KIAA1217: variants seen among roughly 807,000 people sequenced by gnomAD.
The protein encoded by KIAA1217 is KIAA1217.
In KIAA1217, 88 loss-of-function variants were observed where a neutral mutation model predicts 163.9. That is an observed-to-expected ratio of 0.54 (90% confidence interval 0.45 to 0.64). The LOEUF is 0.64. Ranked by LOEUF, KIAA1217 falls within the 30% of genes least tolerant of loss-of-function variation. The probability of loss-of-function intolerance (pLI) is 0.00; values close to 1 mark genes in which losing one functional copy is unlikely to be tolerated. For synonymous variants in KIAA1217, 903 were observed against 923.1 expected, an observed-to-expected ratio of 0.98 and a Z score of 0.39; for missense variants, 2,372 against 2,475.0, an observed-to-expected ratio of 0.96 and a Z score of 0.88.
chr10:23,827,627 A>G (rs564296055), intron 1 of KIAA1217, among the ~76,000 whole-genome samples: 3 of 152,304 alleles, frequency 2.0e-5, no homozygotes, highest in Admixed American at 2.0e-4. Flanking sequence ...TGTTTCTCAC[A>G]TTGCATCTTC....
rs12251528 is a variant in KIAA1217 at position 23,774,628 on chromosome 10, A to C, written c.-321+79394A>C. Reference sequence around the variant, plus strand: ...ATTGGGCCAAGGGGTGGCTGTTCACAGGGAGGTGCAGTTCAGCTCTAACAT... The same window carrying C: ...ATTGGGCCAAGGGGTGGCTGTTCACCGGGAGGTGCAGTTCAGCTCTAACAT... On this transcript the variant is annotated intron_variant, in intron 1 of 18. Coordinates refer to the KIAA1217 transcript ENST00000376462. Among the ~76,000 whole-genome samples, 1,335 of 152,210 alleles carry C rather than the reference A, an allele frequency of 8.8e-3. 33 individuals are homozygous for C. Among genetic ancestry groups the C allele is most frequent in the East Asian group, 0.027 (138 of 5,154 alleles).
At chr10:23,812,981 A>C (rs188880992) in intron 1 of KIAA1217, among the ~76,000 whole-genome samples, 1 of 136,384 alleles carries the variant, frequency 7.3e-6, no homozygotes, top group African/African-American at 3.1e-5. Flanking sequence ...TGCTGGGTCT[A>C]TGGTAACTAT....
intron 2 of KIAA1217, among the ~76,000 whole-genome samples, chr10:24,056,162 A>C (rs748983671): frequency 2.0e-5 from 3 of 152,080 alleles, no homozygotes; most frequent in Non-Finnish European, 4.4e-5. Flanking sequence ...ACAATAAGGA[A>C]ATCTTGAGTC....
chr10:24,223,217 C>T (rs1046415266), intron 2 of KIAA1217, among the ~76,000 whole-genome samples: 1 of 152,148 alleles, frequency 6.6e-6, no homozygotes, highest in African/African-American at 2.4e-5. Context: ...CTCATTTTAC[C>T]TAGCTCCTAT....
At chr10:23,788,971 G>T (rs762094076) in intron 1 of KIAA1217, among the ~76,000 whole-genome samples, 11 of 152,146 alleles carry the variant, frequency 7.2e-5, no homozygotes, top group Non-Finnish European at 1.6e-4. Flanking sequence ...GACAATTTTT[G>T]ATATATTTCT....
chr10:23,712,151 G>A (rs543439728), intron 1 of KIAA1217, among the ~76,000 whole-genome samples: 2 of 152,236 alleles, frequency 1.3e-5, no homozygotes, highest in Admixed American at 1.3e-4. Flanking sequence ...AAACTGTACA[G>A]GGTATCAAAA....
rs1205822406 is a variant in KIAA1217, at chr10:23,934,575, A to G, written c.-320-72650A>G. Reference sequence around the variant, plus strand: ...CTTTAAAGTATATATATATATATATATATATATATATATATGTATATATAT... The same window carrying G: ...CTTTAAAGTATATATATATATATATGTATATATATATATATGTATATATAT... On this transcript the variant is annotated intron_variant, in intron 1 of 18. Coordinates refer to the KIAA1217 transcript ENST00000376462. Among the ~76,000 whole-genome samples, 84 of 65,954 alleles carry G rather than the reference A, an allele frequency of 1.3e-3. 3 individuals carry two copies. Among genetic ancestry groups the G allele is most frequent in the African/African-American group, 5.0e-3 (39 of 7,830 alleles). 43.3% of individuals were successfully genotyped at this position (65,954 alleles called of 152,430 possible).
At chr10:23,934,594 TATATATATATATGTATATATATATATA>T in intron 1 of KIAA1217, among the ~76,000 whole-genome samples, 3 of 85,196 alleles carry the variant, frequency 3.5e-5, no homozygotes, top group Non-Finnish European at 5.9e-5. Context: ...TATATATGTA[TATATATATATATGTATATATATATATA>T]TATATTTTTT....
chr10:24,408,768 C>G (rs2057468043), intron 3 of KIAA1217, among the ~76,000 whole-genome samples: 1 of 152,154 alleles, frequency 6.6e-6, no homozygotes, highest in African/African-American at 2.4e-5. Context: ...TGAAGAAGGG[C>G]TCTCTGGCCA....
chr10:23,973,405 C>T (rs1169813250), intron 1 of KIAA1217, among the ~76,000 whole-genome samples: 1 of 152,166 alleles, frequency 6.6e-6, no homozygotes, highest in East Asian at 1.9e-4. Flanking sequence ...TAAGTAATAT[C>T]CCCAAAGTCA....
At chr10:24,323,124 A>C (rs1195767995) in intron 2 of KIAA1217, among the ~76,000 whole-genome samples, 1 of 152,028 alleles carries the variant, frequency 6.6e-6, no homozygotes, top group Non-Finnish European at 1.5e-5. Context: ...TAATTAAAAA[A>C]AAAAAATGTT....
intron 1 of KIAA1217, among the ~76,000 whole-genome samples, chr10:23,898,993 T>C (rs543319801): frequency 1.7e-4 from 26 of 152,264 alleles, no homozygotes; most frequent in African/African-American, 6.0e-4. Context: ...ATAGCTGTTG[T>C]TGACTACTTT....
At chr10:24,165,242 T>C (rs2065291005) in intron 2 of KIAA1217, among the ~76,000 whole-genome samples, 1 of 152,072 alleles carries the variant, frequency 6.6e-6, no homozygotes, top group South Asian at 2.1e-4. Flanking sequence ...CCAAGTTTCT[T>C]AGAGGATCCA....
At chr10:24,503,001 A>G (rs575052684) in intron 9 of KIAA1217, among the ~76,000 whole-genome samples, 1 of 152,054 alleles carries the variant, frequency 6.6e-6, no homozygotes, top group African/African-American at 2.4e-5. Context: ...AAACAAGATA[A>G]ATGTATCCAG....
At chr10:24,355,134 AGGG>A (rs1351418891) in intron 2 of KIAA1217, among the ~76,000 whole-genome samples, 1 of 152,174 alleles carries the variant, frequency 6.6e-6, no homozygotes, top group Non-Finnish European at 1.5e-5. Flanking sequence ...CAGACTGGTG[AGGG>A]CAGGCAGGTT....
At chr10:24,073,363 G>T (rs1010306811) in intron 2 of KIAA1217, among the ~76,000 whole-genome samples, 30 of 152,188 alleles carry the variant, frequency 2.0e-4, no homozygotes, top group African/African-American at 7.2e-4. Context: ...TTTGGAGGAA[G>T]GCACTAGAAA....
intron 2 of KIAA1217, among the ~76,000 whole-genome samples, chr10:24,280,330 A>G (rs1285102720): frequency 1.3e-5 from 2 of 152,212 alleles, no homozygotes; most frequent in Non-Finnish European, 2.9e-5. Context: ...TCTAACAAAC[A>G]TTTTTGCTTT....
intron 1 of KIAA1217, among the ~76,000 whole-genome samples, chr10:23,841,638 A>C (rs1269049213): frequency 6.6e-6 from 1 of 152,004 alleles, no homozygotes; most frequent in African/African-American, 2.4e-5. Context: ...TGATTCAAAA[A>C]TAATAGCTTC....
intron 1 of KIAA1217, among the ~76,000 whole-genome samples, chr10:23,945,637 C>A (rs895649131): frequency 1.3e-5 from 2 of 152,122 alleles, no homozygotes; most frequent in African/African-American, 4.8e-5. Flanking sequence ...TCTCAGGGAA[C>A]TCCAAGGGGT....
Sources: allele counts gnomAD v4.1 joint callset (sites outside exome capture counted in the v4.1 genomes callset), GRCh38; gene constraint gnomAD v4.1.1; transcripts MANE v1.5; gene names NCBI Gene and HGNC (gene_info 2026-07-23, HGNC 2026-07-21).